Variants in ADCK1 observed in about 807,000 individuals in gnomAD.
The protein encoded by ADCK1 is aarF domain-containing protein kinase 1.
Under a neutral mutation model 52.3 loss-of-function variants are expected in ADCK1, and 41 were observed. The observed-to-expected ratio is 0.78, with a 90% confidence interval of 0.61 to 1.02. ADCK1 has a LOEUF of 1.02. ADCK1 is among the 50% of genes least tolerant of loss of function. The probability of loss-of-function intolerance (pLI) is 0.00; values close to 1 mark genes in which losing one functional copy is unlikely to be tolerated. For missense variants in ADCK1, 658 were observed against 679.5 expected, an observed-to-expected ratio of 0.97 and a Z score of 0.35; for synonymous variants, 250 against 274.6, an observed-to-expected ratio of 0.91 and a Z score of 0.89.
intron 4 of ADCK1, 95 bp from the exon 5 acceptor site, chr14:77,886,996 G>A (rs1485904994): frequency 1.8e-5 from 24 of 1,338,814 alleles, no homozygotes; most frequent in Non-Finnish European, 2.3e-5. Flanking sequence ...TGTCCTGGGG[G>A]CACTAGGCAG....
intron 7 of ADCK1, among the ~76,000 whole-genome samples, chr14:77,921,832 C>T (rs1270236519): frequency 6.6e-6 from 1 of 152,084 alleles, no homozygotes; most frequent in African/African-American, 2.4e-5. Context: ...AGCCCCCAGA[C>T]CCTTAGGGGC....
intron 6 of ADCK1, among the ~76,000 whole-genome samples, chr14:77,905,523 TGGTGGGGCTGGCTAGA>T (rs1279495027): frequency 2.0e-5 from 3 of 151,816 alleles, no homozygotes; most frequent in African/African-American, 7.2e-5. Context: ...AAGCTGCCTC[TGGTGGGGCTGGCTAGA>T]GATTTGACCT....
chr14:77,926,504 G>A (rs1007733514), intron 9 of ADCK1, among the ~76,000 whole-genome samples: 1 of 152,132 alleles, frequency 6.6e-6, no homozygotes, highest in East Asian at 1.9e-4. Context: ...TTAATGAGAC[G>A]GAGTCTCGCT....
At chr14:77,927,473 G>T (rs561864709) in intron 9 of ADCK1, among the ~76,000 whole-genome samples, 1 of 152,344 alleles carries the variant, frequency 6.6e-6, no homozygotes, top group South Asian at 2.1e-4. Flanking sequence ...TGGGCTGTGG[G>T]TATGAGCTGA....
chr14:77,828,093 G>A (rs2081758218), intron 3 of ADCK1: 1 of 195,962 alleles, frequency 5.1e-6, no homozygotes, highest in African/African-American at 2.4e-5. Context: ...CTCCCAAAGT[G>A]CTGGGATTAC....
intron 7 of ADCK1, among the ~76,000 whole-genome samples, chr14:77,920,045 G>A (rs1199507855): frequency 6.6e-6 from 1 of 152,164 alleles, no homozygotes; most frequent in Non-Finnish European, 1.5e-5. Context: ...CTTCCACTCT[G>A]TGGATTGTCT....
At chr14:77,815,855 G>A (rs1246950459) in intron 1 of ADCK1, among the ~76,000 whole-genome samples, 1 of 132,638 alleles carries the variant, frequency 7.5e-6, no homozygotes, top group African/African-American at 2.9e-5. Flanking sequence ...TCGTTCTGTT[G>A]CCCAAGCTGG....
At chr14:77,902,440 G>C (rs926921777) in intron 6 of ADCK1, 2 of 152,226 alleles carry the variant, frequency 1.3e-5, no homozygotes, top group Non-Finnish European at 2.9e-5. Context: ...CAGCCTTGGA[G>C]CTCAAACCAC....
intron 1 of ADCK1, among the ~76,000 whole-genome samples, chr14:77,811,807 TCAA>T (rs1029540767): frequency 8.2e-4 from 125 of 151,918 alleles, no homozygotes; most frequent in African/African-American, 2.8e-3. Flanking sequence ...AACCCCTGTC[TCAA>T]CAACAACAAC....
chr14:77,899,046 T>C, intron 5 of ADCK1, 54 bp from the exon 6 acceptor site: 2 of 1,603,472 alleles, frequency 1.2e-6, no homozygotes, highest in South Asian at 2.2e-5. Context: ...AGGTAGGGAA[T>C]GTCCCTTGGT....
chr14:77,894,713 ATTTCTTTTTCT>A (rs1195651765), intron 5 of ADCK1, among the ~76,000 whole-genome samples: 41 of 44,920 alleles, frequency 9.1e-4, no homozygotes, highest in Admixed American at 8.5e-3. Context: ...CAGTCGTTTT[ATTTCTTTTTCT>A]TTTCTTTTCT....
At chr14:77,868,600 C>T (rs958490966) in intron 4 of ADCK1, among the ~76,000 whole-genome samples, 18 of 152,168 alleles carry the variant, frequency 1.2e-4, no homozygotes, top group Non-Finnish European at 1.9e-4. Flanking sequence ...ACAGGCTGCA[C>T]GTGGGGTGCC....
intron 2 of ADCK1, among the ~76,000 whole-genome samples, 195 bp downstream of exon 2, chr14:77,819,308 C>G (rs925780331): frequency 3.3e-5 from 5 of 152,174 alleles, no homozygotes; most frequent in African/African-American, 7.2e-5. Flanking sequence ...GAACACACAA[C>G]CTCATATTCC....
At chr14:77,931,156 G>A (rs1487298721) in intron 9 of ADCK1, among the ~76,000 whole-genome samples, 1 of 152,162 alleles carries the variant, frequency 6.6e-6, no homozygotes, top group Admixed American at 6.5e-5. Flanking sequence ...GGCTTGGAGG[G>A]GTAGGAGACC....
intron 7 of ADCK1, 123 bp from the exon 8 acceptor site, chr14:77,924,334 C>G: frequency 1.5e-6 from 2 of 1,299,830 alleles, no homozygotes; most frequent in South Asian, 2.9e-5. Flanking sequence ...CCACCACAAC[C>G]GCTCCGGCCC....
intron 6 of ADCK1, among the ~76,000 whole-genome samples, chr14:77,906,235 G>A (rs60029427): frequency 0.019 from 2,837 of 152,284 alleles, 101 homozygotes; most frequent in African/African-American, 0.065. Context: ...AATTTGGGTG[G>A]TCAGGGTAAA....
In ADCK1 at chr14:77,899,213, T is replaced by G. The variant is rs1334605165; in HGVS notation, c.696T>G (p.Asn232Lys). The change falls in exon 6 of 11, where the codon AAT becomes AAG. Residue 232 changes from asparagine (N) to lysine (K), a missense_variant. Physicochemically the swap from Asn to Lys is moderately conservative, Grantham distance 94. Coordinates refer to ENST00000238561, the MANE Select transcript of ADCK1 (RefSeq NM_020421.4). ...TGGATTTCCTCAATGAAGGGAGGAATGCTGAGAAGGTGTCCCAGATGCTCA... is the reference window on the plus strand; with the variant it reads ...TGGATTTCCTCAATGAAGGGAGGAAGGCTGAGAAGGTGTCCCAGATGCTCA... Reference protein sequence around the residue: ...LELDFLNEGRNAEKVSQMLRH... With the variant: ...LELDFLNEGRKAEKVSQMLRH... The G allele has an allele frequency of 6.2e-7, 1 of 1,613,996 alleles. No individual in the cohort carries two copies. The highest frequency in any genetic ancestry group is 8.5e-7 in the Non-Finnish European group (1 of 1,180,014).
chr14:77,825,949 G>C (rs2081693564), intron 3 of ADCK1, among the ~76,000 whole-genome samples: 1 of 152,190 alleles, frequency 6.6e-6, no homozygotes, highest in East Asian at 1.9e-4. Context: ...GGACACAGGG[G>C]CAAGGCCTCT....
intron 4 of ADCK1, among the ~76,000 whole-genome samples, chr14:77,880,751 C>T (rs770936098): frequency 1.9e-4 from 29 of 152,182 alleles, no homozygotes; most frequent in Non-Finnish European, 4.1e-4. Flanking sequence ...GCACTGTCTC[C>T]AGCAGGCCCT....
Sources: allele counts gnomAD v4.1 joint callset (sites outside exome capture counted in the v4.1 genomes callset), GRCh38; gene constraint gnomAD v4.1.1; transcripts MANE v1.5; gene names NCBI Gene and HGNC (gene_info 2026-07-23, HGNC 2026-07-21).